The following COL4A1 variants were observed in gnomAD, a reference collection of about 807,000 sequenced individuals.
COL4A1 encodes collagen alpha-1(IV) chain.
Under a neutral mutation model 216.6 loss-of-function variants are expected in COL4A1, and 40 were observed. The ratio of observed to expected loss-of-function variants is 0.18; its 90% CI spans 0.14 to 0.24. COL4A1 has a LOEUF of 0.24. Among genes scored for constraint, COL4A1 ranks in the 10% least tolerant of loss-of-function variants. The pLI is 1.00. For missense variants in COL4A1, 1,628 were observed against 2,196.8 expected, an observed-to-expected ratio of 0.74 and a Z score of 5.18; for synonymous variants, 839 against 810.7, an observed-to-expected ratio of 1.03 and a Z score of -0.59.
At position 110,175,253 on chromosome 13, in the gene COL4A1, G is replaced by A. The variant is rs771805289; in HGVS notation, c.3163C>T (p.Pro1055Ser). 3.7e-6 allele frequency: 6 copies of A among 1,614,204 alleles called. No homozygotes were observed. Among genetic ancestry groups the A allele is most frequent in the Non-Finnish European group, 5.1e-6 (6 of 1,180,006 alleles). The change falls in exon 37 of 52, where the codon CCT (proline) becomes TCT (serine). Residue 1055 changes from proline to serine, a missense_variant. By Grantham distance (74) the Pro-to-Ser change is moderately conservative. This residue lies in a region of COL4A1 where 345 missense variants were observed against 476.9 expected (regional missense o/e 0.72). Transcript: ENST00000375820. ...CGCAGCCCTGGGATGCCTATGCCAG[G>A]TGGGCCTGCCTGCCCTTTCTCTCCT... ...AKGEKGQAGP[P>S]GIGIPGLRGE...
At chr13:110,231,794 C>T (rs1305254885) in intron 2 of COL4A1, among the ~76,000 whole-genome samples, 1 of 152,152 alleles carries the variant, frequency 6.6e-6, no homozygotes, top group East Asian at 1.9e-4. Flanking sequence ...AAAACCACTT[C>T]AAAATCAAGC....
intron 2 of COL4A1, among the ~76,000 whole-genome samples, chr13:110,232,829 G>T (rs1220160181): frequency 6.6e-6 from 1 of 152,070 alleles, no homozygotes; most frequent in Middle Eastern, 3.4e-3. Flanking sequence ...CACTAGATTC[G>T]GTAAGCTCCA....
At position 110,222,623 on chromosome 13, in the gene COL4A1, A is replaced by T. The variant is rs952977243; in HGVS notation, c.145-8608T>A. On this transcript the variant is annotated intron_variant, in intron 2 of 51. Coordinates refer to ENST00000375820, the MANE Select transcript of COL4A1 (RefSeq NM_001845.6). ...CCCGTCTCTACTAAAAATACAAAAA[A>T]TTAGCCGGGTGTGGTGGCGGGCACC... is the stretch of plus-strand genomic sequence containing the variant. 5.8e-4 allele frequency among the ~76,000 whole-genome samples: 85 copies of T among 146,876 alleles called. 2 individuals are homozygous for T. The highest frequency in any genetic ancestry group is 1.0e-3 in the Admixed American group (15 of 14,292).
intron 36 of COL4A1, among the ~76,000 whole-genome samples, chr13:110,175,744 G>A (rs532315896): frequency 4.5e-4 from 69 of 152,328 alleles, no homozygotes; most frequent in South Asian, 1.5e-3. Context: ...CGGGCAGGCC[G>A]GAGTCTGTGC....
intron 49 of COL4A1, among the ~76,000 whole-genome samples, chr13:110,156,430 G>A: frequency 6.6e-6 from 1 of 152,194 alleles, no homozygotes; most frequent in East Asian, 1.9e-4. Flanking sequence ...GTCCACATGG[G>A]CCTCCTGCGG....
Position 110,175,190 on chromosome 13 carries a change from G to A in COL4A1, c.3198+28C>T, listed in dbSNP as rs111449216. 1.5e-3 allele frequency: 2,464 copies of A among 1,613,886 alleles called. 39 individuals are homozygous for A. In the African/African-American group the frequency reaches 0.029, roughly 19 times the overall value. On this transcript the variant is annotated intron_variant, in intron 37 of 51. Transcript: ENST00000375820. ...GCATCTCCACTGAGCTGGGAGAAGGGGACCTTTCCACGCAGAGCGCTGGTT... is the reference window on the plus strand; with the variant it reads ...GCATCTCCACTGAGCTGGGAGAAGGAGACCTTTCCACGCAGAGCGCTGGTT...
At chr13:110,213,268 TAA>T (rs3837555) in intron 4 of COL4A1, among the ~76,000 whole-genome samples, 2 of 150,834 alleles carry the variant, frequency 1.3e-5, no homozygotes, top group African/African-American at 2.4e-5. Context: ...AAAATTGAAA[TAA>T]AAAAAAACAA....
intron 2 of COL4A1, among the ~76,000 whole-genome samples, chr13:110,226,114 A>T (rs1405174007): frequency 6.6e-6 from 1 of 151,990 alleles, no homozygotes; most frequent in African/African-American, 2.4e-5. Context: ...AAAAGGCCAC[A>T]CTGCTAGTGT....
chr13:110,149,956 T>A lies in COL4A1; in HGVS notation c.*407A>T. 1 of 324,116 alleles carries A rather than the reference T, an allele frequency of 3.1e-6. No homozygotes were observed. The highest frequency in any genetic ancestry group is 6.0e-6 in the Non-Finnish European group (1 of 165,816). 20.1% of individuals were successfully genotyped at this position (324,116 alleles called of 1,614,324 possible). A position where few individuals can be genotyped will look rare whatever the true frequency, so the allele number is the denominator to read the frequency against. On this transcript the variant is annotated 3_prime_UTR_variant, in exon 52 of 52. Transcript: ENST00000375820. ...CCTAAATTTTGAAACAGCTAGACAG[T>A]GATATAAACAAACATTTATCTCTGG...
intron 2 of COL4A1, among the ~76,000 whole-genome samples, chr13:110,234,203 T>G (rs769746472): frequency 6.6e-6 from 1 of 152,062 alleles, no homozygotes; most frequent in African/African-American, 2.4e-5. Flanking sequence ...TGAAAAACAG[T>G]GGGTAGATGG....
chr13:110,157,357 T>C (rs1255167874), intron 49 of COL4A1, among the ~76,000 whole-genome samples: 1 of 152,226 alleles, frequency 6.6e-6, no homozygotes, highest in East Asian at 1.9e-4. Flanking sequence ...CTGCCACCTT[T>C]TCTGCTCAAA....
At chr13:110,179,573 C>T in intron 29 of COL4A1, 152 bp from the exon 30 acceptor site, 1 of 1,097,318 alleles carries the variant, frequency 9.1e-7, no homozygotes, top group Non-Finnish European at 1.3e-6. Context: ...TGCAAAGCTT[C>T]CTCATACCTA....
intron 33 of COL4A1, 81 bp from the exon 34 acceptor site, chr13:110,177,118 G>T: frequency 6.3e-7 from 1 of 1,594,868 alleles, no homozygotes; most frequent in African/African-American, 1.3e-5. Flanking sequence ...TTGTTGACAG[G>T]GACAGCAGCT....
At chr13:110,281,252 C>A (rs1484444614) in intron 1 of COL4A1, among the ~76,000 whole-genome samples, 1 of 152,294 alleles carries the variant, frequency 6.6e-6, no homozygotes, top group Admixed American at 6.5e-5. Flanking sequence ...AACCTCCCCC[C>A]GCCATCTCCT....
chr13:110,169,827 G>A lies in COL4A1; in HGVS notation c.3743-65C>T. The A allele has an allele frequency of 2.5e-6, 4 of 1,603,488 alleles. 1 individual carries two copies. The South Asian group carries it at 4.4e-5, about 18-fold the overall frequency. ...ATGCACAAGTGTCCCTGGGCTGTGG[G>A]GCTATCAATACTGCCACCCACGGCC... is the stretch of plus-strand genomic sequence containing the variant. On this transcript the variant is annotated intron_variant, in intron 42 of 51. Transcript: ENST00000375820.
chr13:110,280,020 C>T (rs1292500310), intron 1 of COL4A1, among the ~76,000 whole-genome samples: 1 of 152,206 alleles, frequency 6.6e-6, no homozygotes, highest in African/African-American at 2.4e-5. Context: ...TCCTGATATT[C>T]CTTTCCTGTC....
chr13:110,190,683 T>A (rs1878588303), intron 24 of COL4A1: 1 of 152,142 alleles, frequency 6.6e-6, no homozygotes, highest in African/African-American at 2.4e-5. Context: ...TCTGAGCGAG[T>A]TAAATCACGG....
chr13:110,241,918 C>T lies in COL4A1; in HGVS notation c.144+757G>A, dbSNP rs369927346. Among the ~76,000 whole-genome samples, 44 of 152,342 alleles carry T rather than the reference C, an allele frequency of 2.9e-4. No individual in the cohort carries two copies. The East Asian group carries it at 7.3e-3, about 25-fold the overall frequency. On this transcript the variant is annotated intron_variant, in intron 2 of 51. Coordinates refer to ENST00000375820, the MANE Select transcript of COL4A1 (RefSeq NM_001845.6). ...CCTACAGAGTATCCACTCCATTCTA[C>T]AGGGTCCCAACCTGCTGTGCGCACC...
At chr13:110,263,669 G>T (rs914746394) in intron 1 of COL4A1, among the ~76,000 whole-genome samples, 7 of 152,076 alleles carry the variant, frequency 4.6e-5, no homozygotes, top group African/African-American at 7.2e-5. Flanking sequence ...TCTTCTAGAC[G>T]AATGAAAAAG....
Sources: allele counts gnomAD v4.1 joint callset (sites outside exome capture counted in the v4.1 genomes callset), GRCh38; gene constraint gnomAD v4.1.1; regional missense constraint gnomAD v4.1.1; transcripts MANE v1.5; gene names NCBI Gene and HGNC (gene_info 2026-07-23, HGNC 2026-07-21).